Variants in DPP10 observed in about 807,000 individuals in gnomAD.
The protein encoded by DPP10 is inactive dipeptidyl peptidase 10.
In DPP10, 33 loss-of-function variants were observed where a neutral mutation model predicts 120.9. The ratio of observed to expected loss-of-function variants is 0.27; its 90% CI spans 0.21 to 0.37. The LOEUF (loss-of-function observed/expected upper bound fraction) is 0.37, where lower values mean the gene tolerates loss of function less well. Among genes scored for constraint, DPP10 ranks in the 10% least tolerant of loss-of-function variants. The pLI, the probability that DPP10 is intolerant of heterozygous loss-of-function variation, is 1.00. For missense variants in DPP10, 816 were observed against 942.8 expected (o/e 0.87, Z 1.76); for synonymous variants, 337 against 326.1 (o/e 1.03, Z -0.36).
intron 3 of DPP10, among the ~76,000 whole-genome samples, chr2:115,408,836 T>G (rs1011324242): frequency 1.3e-4 from 20 of 152,120 alleles, no homozygotes; most frequent in African/African-American, 4.8e-4. Context: ...GAACTATAGC[T>G]TTTAGCCTTA....
chr2:115,132,420 A>G (rs1003253459), intron 1 of DPP10, among the ~76,000 whole-genome samples: 1 of 152,188 alleles, frequency 6.6e-6, no homozygotes, highest in African/African-American at 2.4e-5. Flanking sequence ...TTTCCCCCAC[A>G]AAAGACAGCT....
At chr2:114,581,219 C>T (rs1224617746) in intron 1 of DPP10, among the ~76,000 whole-genome samples, 3 of 119,094 alleles carry the variant, frequency 2.5e-5, no homozygotes, top group Admixed American at 1.2e-4. Context: ...CTCTCTCTGT[C>T]GCCCAGGCTG....
chr2:115,404,692 G>T (rs147349919), intron 3 of DPP10, among the ~76,000 whole-genome samples: 198 of 152,248 alleles, frequency 1.3e-3, no homozygotes, highest in African/African-American at 4.4e-3. Flanking sequence ...ACATTGGGAA[G>T]CCACATTTGA....
intron 1 of DPP10, among the ~76,000 whole-genome samples, chr2:114,834,404 C>T (rs866262421): frequency 5.4e-5 from 8 of 148,808 alleles, no homozygotes; most frequent in Non-Finnish European, 1.2e-4. Flanking sequence ...TATATATAAG[C>T]CATATCTACA....
intron 1 of DPP10, among the ~76,000 whole-genome samples, chr2:115,114,977 G>T (rs898407159): frequency 9.2e-5 from 14 of 151,800 alleles, no homozygotes; most frequent in African/African-American, 2.7e-4. Flanking sequence ...AAATGAACAG[G>T]TACCTGTACC....
At chr2:114,670,779 A>C (rs1186624512) in intron 1 of DPP10, among the ~76,000 whole-genome samples, 2 of 152,166 alleles carry the variant, frequency 1.3e-5, no homozygotes, top group Admixed American at 6.5e-5. Context: ...AGGGAAAATT[A>C]TGTTTACTCT....
At chr2:115,045,437 A>G (rs1704990306) in intron 1 of DPP10, among the ~76,000 whole-genome samples, 1 of 152,166 alleles carries the variant, frequency 6.6e-6, no homozygotes, top group Admixed American at 6.5e-5. Context: ...AATTTCCTGT[A>G]CTTGAATGTT....
intron 1 of DPP10, among the ~76,000 whole-genome samples, chr2:114,609,095 G>T (rs545952780): frequency 2.0e-5 from 3 of 152,118 alleles, no homozygotes; most frequent in African/African-American, 4.8e-5. Context: ...AGCTTGGAAG[G>T]TTTGATGAAC....
At chr2:115,447,272 C>T (rs1359566435) in intron 3 of DPP10, among the ~76,000 whole-genome samples, 1 of 152,142 alleles carries the variant, frequency 6.6e-6, no homozygotes, top group African/African-American at 2.4e-5. Flanking sequence ...AATGCCTGTA[C>T]CCCCATTGTA....
At chr2:114,508,566 C>T (rs529087532) in intron 1 of DPP10, among the ~76,000 whole-genome samples, 77 of 152,244 alleles carry the variant, frequency 5.1e-4, no homozygotes, top group African/African-American at 7.2e-4. Context: ...TGCAAGCTTT[C>T]GTGTGAACTT....
At chr2:115,390,096 C>T (rs930853755) in intron 3 of DPP10, among the ~76,000 whole-genome samples, 3 of 152,228 alleles carry the variant, frequency 2.0e-5, no homozygotes, top group South Asian at 2.1e-4. Context: ...ATTTTTGCCT[C>T]GTCAGCTCTT....
At chr2:114,698,372 C>T (rs1050706018) in intron 1 of DPP10, among the ~76,000 whole-genome samples, 1 of 152,000 alleles carries the variant, frequency 6.6e-6, no homozygotes, top group Non-Finnish European at 1.5e-5. Context: ...GACTGCTGCC[C>T]CATCTGCCAT....
At chr2:115,158,575 T>C (rs1394527636) in intron 1 of DPP10, among the ~76,000 whole-genome samples, 1 of 152,198 alleles carries the variant, frequency 6.6e-6, no homozygotes, top group African/African-American at 2.4e-5. Context: ...AAAATGGCCA[T>C]GTGTTGTAAA....
intron 1 of DPP10, among the ~76,000 whole-genome samples, chr2:115,165,514 C>T (rs1227472188): frequency 6.6e-6 from 1 of 152,164 alleles, no homozygotes; most frequent in East Asian, 1.9e-4. Context: ...AATCACAGCT[C>T]TGCTAATTTT....
At chr2:114,944,343 G>A (rs1357670805) in intron 1 of DPP10, among the ~76,000 whole-genome samples, 1 of 152,008 alleles carries the variant, frequency 6.6e-6, no homozygotes, top group African/African-American at 2.4e-5. Flanking sequence ...TGGATAACTG[G>A]TCTAATTTTA....
In DPP10 at chr2:115,746,163, A is replaced by G. The variant is rs1677945925; in HGVS notation, c.930A>G (p.Pro310=). The G allele has an allele frequency of 6.2e-7, 1 of 1,612,562 alleles. No homozygotes were observed. The highest frequency in any genetic ancestry group is 8.5e-7 in the Non-Finnish European group (1 of 1,179,382). ...YGPTHTLELM[P]PDSFKSREYY... ...CAACTCACACTTTGGAGCTCATGCCACCTGACAGCTTTAAATCAAGGTATG... is the reference window on the plus strand; with the variant it reads ...CAACTCACACTTTGGAGCTCATGCCGCCTGACAGCTTTAAATCAAGGTATG... Residue 310 remains proline (P), a synonymous_variant, in exon 10 of 26, where the codon CCA becomes CCG. Transcript: ENST00000410059.
intron 1 of DPP10, among the ~76,000 whole-genome samples, chr2:114,978,551 A>G (rs910871052): frequency 2.6e-5 from 4 of 152,146 alleles, no homozygotes; most frequent in African/African-American, 9.7e-5. Flanking sequence ...CCAGTAACAG[A>G]CAAGACACTA....
At chr2:115,089,469 A>G (rs1001370909) in intron 1 of DPP10, among the ~76,000 whole-genome samples, 1 of 152,132 alleles carries the variant, frequency 6.6e-6, no homozygotes, top group Non-Finnish European at 1.5e-5. Context: ...TTTATTTCGG[A>G]TTGTCATCAC....
intron 1 of DPP10, among the ~76,000 whole-genome samples, chr2:115,072,523 A>G (rs1308031848): frequency 6.6e-6 from 1 of 152,174 alleles, no homozygotes; most frequent in Non-Finnish European, 1.5e-5. Context: ...TGAGCCAATT[A>G]TGAATCTATC....
Sources: allele counts gnomAD v4.1 joint callset (sites outside exome capture counted in the v4.1 genomes callset), GRCh38; gene constraint gnomAD v4.1.1; transcripts MANE v1.5; gene names NCBI Gene and HGNC (gene_info 2026-07-23, HGNC 2026-07-21).